PLEKHG6: variants seen among roughly 807,000 people sequenced by gnomAD.
The protein encoded by PLEKHG6 is pleckstrin homology and RhoGEF domain containing G6.
PLEKHG6 carries 91 observed loss-of-function variants against 97.5 expected under a neutral mutation model. That is an observed-to-expected ratio of 0.93 (90% confidence interval 0.79 to 1.11). The LOEUF (loss-of-function observed/expected upper bound fraction) is 1.11, where lower values mean the gene tolerates loss of function less well. PLEKHG6 is among the 50% of genes most tolerant of loss of function. The probability of loss-of-function intolerance (pLI) is 0.00; values close to 1 mark genes in which losing one functional copy is unlikely to be tolerated. For missense variants in PLEKHG6, 1,044 were observed against 1,031.0 expected (o/e 1.01, Z -0.17); for synonymous variants, 466 against 425.5 (o/e 1.10, Z -1.17).
chr12:6,314,953 G>T, intron 3 of PLEKHG6, 52 bp from the exon 4 acceptor site: 1 of 1,576,898 alleles, frequency 6.3e-7, no homozygotes, highest in Non-Finnish European at 8.7e-7. Flanking sequence ...GGGGCCCTGT[G>T]GCTGGGTGCC....
Position 6,316,186 on chromosome 12 carries a change from T to C in PLEKHG6, c.607-69T>C. The stretch of plus-strand genomic sequence containing the variant: ...GCTGTCCAAGCTTAAGGTCCTCACC[T>C]TTCCTCAGCCAGTGCCACCCCTGGG... On this transcript the variant is annotated intron_variant, in intron 6 of 15. Coordinates refer to ENST00000684764, the MANE Select transcript of PLEKHG6 (RefSeq NM_001384598.1). This position sits in a 1 kb window ranked among gnomAD's most constrained non-coding sequence, Gnocchi z 4.1. 6.9e-7 allele frequency: 1 copy of C among 1,445,508 alleles called. No homozygotes were observed. Among genetic ancestry groups the C allele is most frequent in the Non-Finnish European group, 9.3e-7 (1 of 1,079,942 alleles). 89.5% of individuals were successfully genotyped at this position (1,445,508 alleles called of 1,614,324 possible).
chr12:6,317,720 A>G (rs1947527779), intron 9 of PLEKHG6, 24 bp downstream of exon 9: 2 of 1,611,218 alleles, frequency 1.2e-6, no homozygotes, highest in African/African-American at 2.7e-5. Flanking sequence ...TGGGGCTGGG[A>G]CTCTGGTGAA....
In PLEKHG6 at chr12:6,316,208, T is replaced by G; in HGVS notation, c.607-47T>G. 2 of 1,510,818 alleles carry G rather than the reference T, an allele frequency of 1.3e-6. No individual in the cohort carries two copies. Among genetic ancestry groups the G allele is most frequent in the Non-Finnish European group, 1.8e-6 (2 of 1,123,494 alleles). The allele number at this position is 1,510,818 out of a possible 1,614,324, so 93.6% of individuals were successfully genotyped here. On this transcript the variant is annotated intron_variant, in intron 6 of 15. Transcript: ENST00000684764. This position sits in a 1 kb window ranked among gnomAD's most constrained non-coding sequence, Gnocchi z 4.1. ...ACCTTTCCTCAGCCAGTGCCACCCCTGGGGACCTTCCAAAAGTGTGCTGCT... is the reference window on the plus strand; with the variant it reads ...ACCTTTCCTCAGCCAGTGCCACCCCGGGGGACCTTCCAAAAGTGTGCTGCT...
At position 6,328,213 on chromosome 12, in the gene PLEKHG6, C is replaced by T; in HGVS notation, c.*68C>T. On this transcript the variant is annotated 3_prime_UTR_variant, in exon 16 of 16. Transcript: ENST00000684764. ...TCTCTCCCCAGTAGTGCTGGTCACC[C>T]TCCGGCATCTGTGACTCTACCTCAA... The T allele has an allele frequency of 6.6e-7, 1 of 1,505,978 alleles. No individual in the cohort carries two copies. 93.3% of individuals were successfully genotyped at this position (1,505,978 alleles called of 1,614,324 possible). A position where few individuals can be genotyped will look rare whatever the true frequency, so the allele number is the denominator to read the frequency against.
Position 6,318,761 on chromosome 12 carries a change from TC to T in PLEKHG6, c.1294del (p.Leu432SerfsTer8), listed in dbSNP as rs748840457. On this transcript the variant is annotated frameshift_variant, in exon 12 of 16. Coordinates refer to ENST00000684764, the MANE Select transcript of PLEKHG6 (RefSeq NM_001384598.1). LOFTEE classifies it high-confidence loss of function. Reference protein sequence around the residue: ...GREGKLDVYLFLFSDVLLVTK... With the variant: ...GREGKLDVYLXLFSDVLLVTK... Reference sequence around the variant, plus strand: ...CACCCCCAGCTGGACGTGTACCTGTTCCTCTTCTCTGATGTGCTCCTTGTGA... The same window carrying T: ...CACCCCCAGCTGGACGTGTACCTGTTCTCTTCTCTGATGTGCTCCTTGTGA... The T allele has an allele frequency of 1.2e-6, 2 of 1,613,890 alleles. No homozygotes were observed. Among genetic ancestry groups the T allele is most frequent in the Non-Finnish European group, 1.7e-6 (2 of 1,179,966 alleles).
At chr12:6,319,967 G>A (rs1947647596) in intron 13 of PLEKHG6, among the ~76,000 whole-genome samples, 1 of 152,194 alleles carries the variant, frequency 6.6e-6, no homozygotes, top group Non-Finnish European at 1.5e-5. Flanking sequence ...CACCATTTGG[G>A]AGGATACCTA....
chr12:6,314,238 C>A (rs758376772), intron 3 of PLEKHG6, among the ~76,000 whole-genome samples: 23 of 152,220 alleles, frequency 1.5e-4, no homozygotes, highest in Middle Eastern at 6.8e-3. Flanking sequence ...CGTGGTGGCT[C>A]ACACCTGTAA....
chr12:6,327,808 T>C lies in PLEKHG6; in HGVS notation c.2225T>C (p.Ile742Thr). 1 of 1,513,456 alleles carries C rather than the reference T, an allele frequency of 6.6e-7. No individual in the cohort carries two copies. Among genetic ancestry groups the C allele is most frequent in the Non-Finnish European group, 8.8e-7 (1 of 1,131,756 alleles). 93.8% of individuals were successfully genotyped at this position (1,513,456 alleles called of 1,614,324 possible). Residue 742 changes from isoleucine to threonine, a missense_variant, in exon 15 of 16, where the codon ATC becomes ACC. By Grantham distance (89) the Ile-to-Thr change is moderately conservative. Transcript: ENST00000684764. Reference protein sequence around the residue: ...PMRAEDMLREIREELASQRIE... With the variant: ...PMRAEDMLRETREELASQRIE... The stretch of plus-strand genomic sequence containing the variant: ...CGGGCTGAGGACATGCTCAGAGAGA[T>C]CCGGGAGGAGCTGGCCAGCCAAAGG...
chr12:6,313,356 C>T (rs1947339306), intron 2 of PLEKHG6, among the ~76,000 whole-genome samples: 1 of 152,182 alleles, frequency 6.6e-6, no homozygotes, highest in East Asian at 1.9e-4. Context: ...GTGCTGTGCA[C>T]CTGCTCGGCA....
Position 6,315,711 on chromosome 12 carries a change from G to C in PLEKHG6, c.555+62G>C, listed in dbSNP as rs988059607. ...CCCTGCATGAGCCCCCATCCTCCCA[G>C]ACTGGAAGGCAGGTCACTGGGGGAG... On this transcript the variant is annotated intron_variant, in intron 5 of 15. Transcript: ENST00000684764. This position sits in a 1 kb window ranked among gnomAD's most constrained non-coding sequence, Gnocchi z 4.5. The C allele has an allele frequency of 7.8e-7, 1 of 1,274,858 alleles. No homozygotes were observed. The allele number at this position is 1,274,858 out of a possible 1,614,324, so 79.0% of individuals were successfully genotyped here.
In PLEKHG6 at chr12:6,317,565, C is replaced by T. The variant is rs572619533; in HGVS notation, c.886C>T (p.Arg296Cys). 56 of 1,613,736 alleles carry T rather than the reference C, an allele frequency of 3.5e-5. No homozygotes were observed. Among genetic ancestry groups the T allele is most frequent in the South Asian group, 2.1e-4 (19 of 91,060 alleles). ...CCTGCAGTGGTGTGAGAAGCACAAG[C>T]GCTCTGGGAGGCAGATGCTCTGTGA... ...AFVQWCEKHK[R>C]SGRQMLCDLL... Residue 296 changes from arginine (R) to cysteine (C), a missense_variant, in exon 9 of 16, where the codon CGC becomes TGC. Physicochemically the swap from Arg to Cys is radical, Grantham distance 180. Transcript: ENST00000684764.
intron 1 of PLEKHG6, among the ~76,000 whole-genome samples, chr12:6,311,429 T>A (rs1389673832): frequency 6.6e-6 from 1 of 152,152 alleles, no homozygotes; most frequent in Non-Finnish European, 1.5e-5. Context: ...AGGTAGGAGA[T>A]GGGCAAGCCT....
chr12:6,311,838 G>A (rs1947280320), intron 1 of PLEKHG6, among the ~76,000 whole-genome samples: 1 of 151,982 alleles, frequency 6.6e-6, no homozygotes, highest in Non-Finnish European at 1.5e-5. Context: ...CCACCTGGGT[G>A]TATCCAGAAA....
intron 2 of PLEKHG6, 139 bp from the exon 3 acceptor site, chr12:6,313,490 G>A: frequency 9.7e-7 from 1 of 1,030,674 alleles, no homozygotes; most frequent in South Asian, 1.5e-5. Flanking sequence ...CACCAAACTG[G>A]TTTGCAGGGA....
Position 6,321,576 on chromosome 12 carries a change from C to T in PLEKHG6, c.1524+2468C>T, listed in dbSNP as rs574587493. On this transcript the variant is annotated intron_variant, in intron 13 of 15. Transcript: ENST00000684764. ...GGAAGAGGCCGGGCGCGGTGGCTCA[C>T]GCCTGTAATCCCAGCACTTTGGGAG... is the stretch of plus-strand genomic sequence containing the variant. Among the ~76,000 whole-genome samples the T allele has an allele frequency of 2.9e-4, 44 of 151,552 alleles. No homozygotes were observed. In the South Asian group the frequency reaches 5.6e-3, roughly 19 times the overall value.
intron 1 of PLEKHG6, among the ~76,000 whole-genome samples, 151 bp from the exon 2 acceptor site, chr12:6,312,008 A>T (rs2250430): frequency 0.71 from 108,149 of 151,914 alleles, 39,072 homozygotes; most frequent in African/African-American, 0.82. Context: ...TAGATGAGGC[A>T]GCCATGTTCC....
intron 12 of PLEKHG6, 55 bp from the exon 13 acceptor site, chr12:6,318,938 C>A: frequency 6.2e-7 from 1 of 1,612,376 alleles, no homozygotes; most frequent in Non-Finnish European, 8.5e-7. Flanking sequence ...GAAGGAGGAG[C>A]TGGGACGGAG....
At chr12:6,328,023 G>A in intron 15 of PLEKHG6, 77 bp downstream of exon 15, 13 of 1,573,528 alleles carry the variant, frequency 8.3e-6, no homozygotes, top group South Asian at 1.1e-5. Flanking sequence ...AGTATAGAAA[G>A]AGGGCAAAGC....
At chr12:6,313,007 G>T in intron 2 of PLEKHG6, 1 of 1,465,806 alleles carries the variant, frequency 6.8e-7, no homozygotes, top group Non-Finnish European at 9.1e-7. Context: ...TAGGCTGTGG[G>T]TGAGAAGGGA....
Sources: gnomAD v4.1 joint callset for allele counts (sites outside exome capture counted in the v4.1 genomes callset) on GRCh38, gnomAD v4.1.1 for gene constraint, Gnocchi (gnomAD v3.1) non-coding constraint, MANE v1.5 for transcripts, NCBI Gene and HGNC (gene_info 2026-07-23, HGNC 2026-07-21) for gene names.